The following PRSS23 variants were observed in gnomAD, a reference collection of about 807,000 sequenced individuals.
The protein encoded by PRSS23 is serine protease 23, also known as protease, serine 23.
In PRSS23, 25 loss-of-function variants were observed where a neutral mutation model predicts 34.7. The observed-to-expected ratio is 0.72, with a 90% CI of 0.53 to 1.01. The LOEUF (loss-of-function observed/expected upper bound fraction) is 1.01, where lower values mean the gene tolerates loss of function less well. Among genes scored for constraint, PRSS23 ranks in the 50% least tolerant of loss-of-function variants. PRSS23 has a pLI of 0.00. For synonymous variants in PRSS23, 176 were observed against 186.6 expected (o/e 0.94, Z 0.46); for missense variants, 445 against 475.6 (o/e 0.94, Z 0.60).
In PRSS23 at chr11:86,821,221, A is replaced by T. The variant is rs1013016222; in HGVS notation, c.-11-2156A>T. 5.2e-6 allele frequency: 3 copies of T among 579,356 alleles called. No individual in the cohort carries two copies. The African/African-American group carries it at 5.8e-5, about 11-fold the overall frequency. The allele number at this position is 579,356 out of a possible 1,614,324, so 35.9% of individuals were successfully genotyped here. On this transcript the variant is annotated intron_variant, in intron 1 of 2. Coordinates refer to the PRSS23 transcript ENST00000533902. ...CAATGAGGTTATCCCTGGACATCAA[A>T]TTATATTTCATCTAATTCATCACAA...
intron 2 of PRSS23, among the ~76,000 whole-genome samples, chr11:86,884,541 C>T (rs148344221): frequency 0.011 from 1,680 of 151,914 alleles, 19 homozygotes; most frequent in Non-Finnish European, 0.019. Context: ...CTCAGGTGAT[C>T]TGCCCCCAAC....
At chr11:86,800,319 C>A, upstream of PRSS23, 1 of 424,090 alleles carries the variant, frequency 2.4e-6, no homozygotes, top group Non-Finnish European at 3.2e-6. Flanking sequence ...TGCTGCCGCG[C>A]CACCGGGGCC....
chr11:86,886,966 G>A (rs1948806697), intron 2 of PRSS23, among the ~76,000 whole-genome samples: 1 of 151,906 alleles, frequency 6.6e-6, no homozygotes, highest in Non-Finnish European at 1.5e-5. Flanking sequence ...ATAAAAAAGT[G>A]GACTTTCCCA....
rs77571400 is a variant in PRSS23, at chr11:86,833,184, G to A, written c.206+9591G>A. 2.8e-3 allele frequency: 2,986 copies of A among 1,079,124 alleles called. 64 individuals are homozygous for A. In the African/African-American group the frequency reaches 0.042, roughly 15 times the overall value. 66.8% of individuals were successfully genotyped at this position (1,079,124 alleles called of 1,614,324 possible). On this transcript the variant is annotated intron_variant, in intron 2 of 2. Transcript: ENST00000533902. ...TCTGAGTCAGGCAGCCTGCATAGGA[G>A]ATGACTCTGCTGTGAGATTGGATGT...
chr11:86,846,661 G>A (rs1020985836), intron 2 of PRSS23, among the ~76,000 whole-genome samples: 2 of 152,202 alleles, frequency 1.3e-5, no homozygotes, highest in African/African-American at 2.4e-5. Flanking sequence ...CTCCTAATGA[G>A]TCCTAATGTC....
At chr11:86,825,419 A>AT (rs1386562196) in intron 2 of PRSS23, among the ~76,000 whole-genome samples, 16 of 152,122 alleles carry the variant, frequency 1.1e-4, no homozygotes, top group African/African-American at 3.6e-4. Flanking sequence ...ATTTTCTCCC[A>AT]TTTTGTAGGT....
chr11:86,810,419 A>G lies in PRSS23; in HGVS notation c.*1624A>G, dbSNP rs556737376. On this transcript the variant is annotated 3_prime_UTR_variant, in exon 2 of 2. Transcript: ENST00000280258. The stretch of plus-strand genomic sequence containing the variant: ...AGGCACTCAAGAAACGTACAACCAC[A>G]GTGCTTTCTTCAAATCATATGAGAA... The G allele has an allele frequency of 8.3e-4, 138 of 167,206 alleles. No individual in the cohort carries two copies. Among genetic ancestry groups the G allele is most frequent in the Non-Finnish European group, 1.6e-3 (111 of 68,118 alleles). 10.4% of individuals were successfully genotyped at this position (167,206 alleles called of 1,614,324 possible). A position where few individuals can be genotyped will look rare whatever the true frequency, so the allele number is the denominator to read the frequency against.
At chr11:86,867,865 AC>A (rs1221704956) in intron 2 of PRSS23, among the ~76,000 whole-genome samples, 1 of 124,598 alleles carries the variant, frequency 8.0e-6, no homozygotes, top group African/African-American at 2.8e-5. Context: ...ACAGAGTGAG[AC>A]CCTACCTCAA....
intron 2 of PRSS23, among the ~76,000 whole-genome samples, chr11:86,907,712 A>G (rs1346640880): frequency 1.3e-5 from 2 of 152,140 alleles, no homozygotes; most frequent in African/African-American, 2.4e-5. Flanking sequence ...CGCCTGCCTT[A>G]ACCTCCCAAA....
intron 2 of PRSS23, among the ~76,000 whole-genome samples, chr11:86,828,521 A>G (rs1008619978): frequency 1.3e-5 from 2 of 152,066 alleles, no homozygotes; most frequent in African/African-American, 2.4e-5. Context: ...TTATGTGTGA[A>G]TTTGATCCTG....
intron 2 of PRSS23, among the ~76,000 whole-genome samples, chr11:86,831,655 T>C (rs1948357134): frequency 6.6e-6 from 1 of 151,282 alleles, no homozygotes; most frequent in South Asian, 2.1e-4. Context: ...ATTCCTAATA[T>C]TCTAGGGGAT....
At chr11:86,882,506 G>C (rs1414319778) in intron 2 of PRSS23, among the ~76,000 whole-genome samples, 1 of 151,796 alleles carries the variant, frequency 6.6e-6, no homozygotes. Context: ...ATGGCCTCCA[G>C]CTCCATCCAT....
At chr11:86,929,317 C>T (rs1375939687) in intron 2 of PRSS23, among the ~76,000 whole-genome samples, 1 of 140,958 alleles carries the variant, frequency 7.1e-6, no homozygotes, top group African/African-American at 2.7e-5. Flanking sequence ...AGCGAAACTC[C>T]GTCTCAAAAA....
At chr11:86,871,961 C>G (rs956617961) in intron 2 of PRSS23, among the ~76,000 whole-genome samples, 1 of 152,174 alleles carries the variant, frequency 6.6e-6, no homozygotes, top group Admixed American at 6.5e-5. Context: ...GGTTGGTAAA[C>G]ATCTATGTAA....
At chr11:86,902,885 C>T (rs1479342449) in intron 2 of PRSS23, among the ~76,000 whole-genome samples, 2 of 152,100 alleles carry the variant, frequency 1.3e-5, no homozygotes, top group Non-Finnish European at 2.9e-5. Flanking sequence ...CTCTGGAAGG[C>T]CAGTGTGGAA....
chr11:86,893,502 A>C (rs918006388), intron 2 of PRSS23, among the ~76,000 whole-genome samples: 5 of 152,204 alleles, frequency 3.3e-5, no homozygotes, highest in Non-Finnish European at 5.9e-5. Flanking sequence ...GTCTCTCATT[A>C]AGGATGAATG....
intron 2 of PRSS23, among the ~76,000 whole-genome samples, chr11:86,830,831 C>T (rs1454355829): frequency 6.6e-6 from 1 of 151,898 alleles, no homozygotes; most frequent in African/African-American, 2.4e-5. Flanking sequence ...TGATATTATT[C>T]ATGATATCCT....
At chr11:86,893,778 T>A (rs752618145) in intron 2 of PRSS23, among the ~76,000 whole-genome samples, 4 of 152,156 alleles carry the variant, frequency 2.6e-5, no homozygotes, top group Non-Finnish European at 5.9e-5. Context: ...CATACAAATA[T>A]AAAATGAATA....
At chr11:86,948,418 A>T (rs1268695070) in intron 2 of PRSS23, 1 of 152,166 alleles carries the variant, frequency 6.6e-6, no homozygotes, top group Non-Finnish European at 1.5e-5. Context: ...TACCGATTTA[A>T]GAAGTGATGG....
Sources: allele counts gnomAD v4.1 joint callset (sites outside exome capture counted in the v4.1 genomes callset), GRCh38; gene constraint gnomAD v4.1.1; transcripts MANE v1.5; gene names NCBI Gene and HGNC (gene_info 2026-07-23, HGNC 2026-07-21).